The following DCLK2 variants were observed in gnomAD, a reference collection of about 807,000 sequenced individuals.
DCLK2 encodes serine/threonine-protein kinase DCLK2.
Under a neutral mutation model 78.4 loss-of-function variants are expected in DCLK2, and 31 were observed. The observed-to-expected ratio is 0.40, with a 90% confidence interval of 0.30 to 0.53. The LOEUF (loss-of-function observed/expected upper bound fraction) is 0.53, where lower values mean the gene tolerates loss of function less well. Among genes scored for constraint, DCLK2 ranks in the 20% least tolerant of loss-of-function variants. The pLI, the probability that DCLK2 is intolerant of heterozygous loss-of-function variation, is 0.61. For synonymous variants in DCLK2, 407 were observed against 374.9 expected (o/e 1.09, Z -0.99); for missense variants, 872 against 973.7 (o/e 0.90, Z 1.39).
chr4:150,232,833 G>A lies in DCLK2; in HGVS notation c.1566+5G>A, dbSNP rs1251602786. 6.2e-7 allele frequency: 1 copy of A among 1,609,316 alleles called. No homozygotes were observed. The highest frequency in any genetic ancestry group is 8.5e-7 in the Non-Finnish European group (1 of 1,177,686). On this transcript the variant is annotated splice_donor_5th_base_variant and intron_variant, in intron 10 of 15. Transcript: ENST00000296550. ...ATCAAACCAGAGAATCTCTTGGTAT[G>A]TCATCCCTGCTTTTTCTGTTCCAAT...
intron 5 of DCLK2, among the ~76,000 whole-genome samples, chr4:150,213,240 G>A (rs945517870): frequency 6.6e-6 from 1 of 152,200 alleles, no homozygotes; most frequent in Non-Finnish European, 1.5e-5. Context: ...AGAGATGGCT[G>A]TTGTTTTAAG....
chr4:150,148,137 G>C (rs1734613635), intron 2 of DCLK2, among the ~76,000 whole-genome samples: 1 of 152,162 alleles, frequency 6.6e-6, no homozygotes, highest in African/African-American at 2.4e-5. Context: ...GGAGGCCAAG[G>C]TGGGTAGATT....
At chr4:150,181,144 G>T in intron 2 of DCLK2, among the ~76,000 whole-genome samples, 1 of 152,172 alleles carries the variant, frequency 6.6e-6, no homozygotes. Flanking sequence ...CATTGTGAGG[G>T]CTTGTCATGT....
intron 2 of DCLK2, among the ~76,000 whole-genome samples, chr4:150,183,627 A>G (rs560848738): frequency 1.3e-5 from 2 of 152,330 alleles, no homozygotes; most frequent in Admixed American, 1.3e-4. Context: ...ACTACTCTGC[A>G]TTATAATGAG....
At chr4:150,082,240 C>T (rs995530866) in intron 1 of DCLK2, among the ~76,000 whole-genome samples, 8 of 152,104 alleles carry the variant, frequency 5.3e-5, no homozygotes, top group Admixed American at 3.9e-4. Context: ...TTTAATAAAG[C>T]TCTCTCAGGT....
chr4:150,109,701 A>G (rs1175219936), intron 2 of DCLK2, among the ~76,000 whole-genome samples: 1 of 152,218 alleles, frequency 6.6e-6, no homozygotes, highest in Non-Finnish European at 1.5e-5. Context: ...ATACATTCGC[A>G]CTTGCAAAGT....
intron 8 of DCLK2, among the ~76,000 whole-genome samples, chr4:150,229,010 G>C (rs969704690): frequency 6.7e-6 from 1 of 150,010 alleles, no homozygotes; most frequent in Non-Finnish European, 1.5e-5. Context: ...TCCGGCCTGG[G>C]CAACAGAGCG....
At chr4:150,171,901 ACT>A (rs1736561072) in intron 2 of DCLK2, among the ~76,000 whole-genome samples, 1 of 152,066 alleles carries the variant, frequency 6.6e-6, no homozygotes, top group Non-Finnish European at 1.5e-5. Flanking sequence ...CCTCCCAGCC[ACT>A]CTCTCATCTG....
intron 2 of DCLK2, among the ~76,000 whole-genome samples, chr4:150,124,030 AAATT>A (rs1732755875): frequency 6.6e-6 from 1 of 152,114 alleles, no homozygotes. Context: ...AAAAAAAAAA[AAATT>A]AACCTCATAC....
At chr4:150,239,612 A>T in intron 10 of DCLK2, 130 bp from the exon 11 acceptor site, 1 of 1,282,670 alleles carries the variant, frequency 7.8e-7, no homozygotes, top group South Asian at 1.5e-5. Context: ...AAAAAAAAAA[A>T]TCACAAGGAG....
chr4:150,255,982 GC>G (rs1744526865), intron 15 of DCLK2, 37 bp from the exon 16 acceptor site: 1 of 1,601,656 alleles, frequency 6.2e-7, no homozygotes, highest in East Asian at 2.2e-5. Flanking sequence ...CCGAGCCTGG[GC>G]CCGGGTAATG....
At chr4:150,111,550 C>T (rs533905296) in intron 2 of DCLK2, among the ~76,000 whole-genome samples, 27 of 148,182 alleles carry the variant, frequency 1.8e-4, no homozygotes, top group African/African-American at 6.7e-4. Flanking sequence ...AATTTCTTTA[C>T]CTAGGCCAAT....
At chr4:150,211,137 G>A (rs948377398) in intron 5 of DCLK2, among the ~76,000 whole-genome samples, 11 of 152,226 alleles carry the variant, frequency 7.2e-5, no homozygotes, top group Middle Eastern at 3.4e-3. Context: ...GGCTGTAGCC[G>A]CCTGAAGGCT....
intron 14 of DCLK2, 132 bp from the exon 15 acceptor site, chr4:150,249,436 T>G: frequency 1.4e-6 from 1 of 710,852 alleles, no homozygotes; most frequent in Non-Finnish European, 2.5e-6. Context: ...TCCCTAATTC[T>G]GTGGCTAAGA....
chr4:150,165,984 T>A (rs1015013086), intron 2 of DCLK2, among the ~76,000 whole-genome samples: 4 of 152,138 alleles, frequency 2.6e-5, no homozygotes, highest in African/African-American at 9.7e-5. Flanking sequence ...CCTTCAACTG[T>A]GGGATGACCA....
chr4:150,150,532 C>T (rs1332192686), intron 2 of DCLK2, among the ~76,000 whole-genome samples: 1 of 152,042 alleles, frequency 6.6e-6, no homozygotes, highest in Non-Finnish European at 1.5e-5. Context: ...CTATTAAAAG[C>T]ATTTAGCACT....
chr4:150,149,648 T>C (rs1356089623), intron 2 of DCLK2, among the ~76,000 whole-genome samples: 1 of 152,216 alleles, frequency 6.6e-6, no homozygotes, highest in Admixed American at 6.5e-5. Context: ...TAACTTAAGG[T>C]CATTTGGCAG....
chr4:150,079,896 G>A (rs1039547446), intron 1 of DCLK2, among the ~76,000 whole-genome samples: 2 of 152,186 alleles, frequency 1.3e-5, no homozygotes, highest in African/African-American at 2.4e-5. Context: ...AGCTGTGGTT[G>A]TGAAATGCTC....
Position 150,247,709 on chromosome 4 carries a change from A to C in DCLK2, c.1875+10A>C. 6.2e-7 allele frequency: 1 copy of C among 1,611,074 alleles called. No homozygotes were observed. On this transcript the variant is annotated intron_variant, in intron 13 of 15. Coordinates refer to ENST00000296550, the MANE Select transcript of DCLK2 (RefSeq NM_001040260.4). ...CACGGACTCTGCCAAGGTACCCTCC[A>C]GGCCTGTTTCTGTGGGTTGTATTAC...
Sources: allele counts gnomAD v4.1 joint callset (sites outside exome capture counted in the v4.1 genomes callset), GRCh38; gene constraint gnomAD v4.1.1; transcripts MANE v1.5; gene names NCBI Gene and HGNC (gene_info 2026-07-23, HGNC 2026-07-21).